PCDH11X: variants seen among roughly 807,000 people sequenced by gnomAD.
PCDH11X encodes the protein protocadherin 11 X-linked.
A neutral mutation model predicts 53.3 loss-of-function variants in PCDH11X; 18 were observed. The ratio of observed to expected loss-of-function variants is 0.34; its 90% CI spans 0.23 to 0.50. The LOEUF (loss-of-function observed/expected upper bound fraction) is 0.50. PCDH11X is among the 20% of genes least tolerant of loss of function. The pLI, the probability that PCDH11X is intolerant of heterozygous loss-of-function variation, is 0.98. For missense variants in PCDH11X, 570 were observed against 1,032.4 expected, an observed-to-expected ratio of 0.55 and a Z score of 6.14; for synonymous variants, 279 against 393.3, an observed-to-expected ratio of 0.71 and a Z score of 3.44.
At chrX:92,120,155 C>CTTTT (rs764997941) in intron 6 of PCDH11X, among the ~76,000 whole-genome samples, 314 of 60,560 alleles carry the variant, frequency 5.2e-3, no homozygotes, top group Non-Finnish European at 6.6e-3. Flanking sequence ...ACTTTTCTTT[C>CTTTT]TTTTTTTTTT....
chrX:92,517,013 G>A (rs2074282823), intron 10 of PCDH11X, among the ~76,000 whole-genome samples: 1 of 112,273 alleles, frequency 8.9e-6, no homozygotes, highest in African/African-American at 3.2e-5. Flanking sequence ...GAAAGATTGT[G>A]AGAACGTAAG....
chrX:91,887,673 G>A (rs1349227368), intron 6 of PCDH11X, among the ~76,000 whole-genome samples: 1 of 111,525 alleles, frequency 9.0e-6, no homozygotes, highest in Non-Finnish European at 1.9e-5. Flanking sequence ...CTGTTTGAAG[G>A]CTATATAACT....
chrX:91,963,308 T>G (rs1424522345), intron 6 of PCDH11X, among the ~76,000 whole-genome samples: 2 of 110,976 alleles, frequency 1.8e-5, no homozygotes, highest in African/African-American at 6.7e-5. Flanking sequence ...CTTGAATGAT[T>G]TACTACTTAC....
At chrX:92,121,981 GTT>G (rs746833949) in intron 6 of PCDH11X, among the ~76,000 whole-genome samples, 9 of 69,443 alleles carry the variant, frequency 1.3e-4, no homozygotes, top group African/African-American at 3.3e-4. Flanking sequence ...AGTCATTTCT[GTT>G]TTTTTTTTTT....
chrX:92,466,164 C>T (rs1465327835), intron 9 of PCDH11X, among the ~76,000 whole-genome samples: 2 of 110,696 alleles, frequency 1.8e-5, no homozygotes, highest in African/African-American at 6.5e-5. Context: ...TTATATACCT[C>T]GTCATTCATA....
intron 6 of PCDH11X, among the ~76,000 whole-genome samples, chrX:92,181,498 C>T (rs5984897): frequency 0.48 from 53,510 of 110,344 alleles, 9,990 homozygotes; most frequent in Non-Finnish European, 0.6. Flanking sequence ...AATGTTAATC[C>T]CCAAGACAGT....
intron 8 of PCDH11X, among the ~76,000 whole-genome samples, chrX:92,381,323 A>G (rs1026777307): frequency 9.0e-6 from 1 of 111,172 alleles, no homozygotes; most frequent in African/African-American, 3.3e-5. Context: ...CAAAGCAGCA[A>G]TTGTTTTCCA....
At chrX:92,162,102 G>T (rs1262086561) in intron 6 of PCDH11X, among the ~76,000 whole-genome samples, 1 of 88,618 alleles carries the variant, frequency 1.1e-5, no homozygotes, top group East Asian at 3.5e-4. Context: ...ACCTTGTTTT[G>T]TCATATTATG....
chrX:92,378,036 C>T (rs1268944583), intron 8 of PCDH11X, among the ~76,000 whole-genome samples: 1 of 108,361 alleles, frequency 9.2e-6, no homozygotes, highest in African/African-American at 3.4e-5. Flanking sequence ...AAATTGTAAT[C>T]ATGATTTCTC....
chrX:92,373,030 T>G (rs957331344), intron 8 of PCDH11X, among the ~76,000 whole-genome samples: 1 of 110,916 alleles, frequency 9.0e-6, no homozygotes, highest in African/African-American at 3.3e-5. Flanking sequence ...GATAAAAATA[T>G]GTTTTAGAGA....
chrX:92,109,290 G>T (rs1168550557), intron 6 of PCDH11X, among the ~76,000 whole-genome samples: 5 of 110,584 alleles, frequency 4.5e-5, no homozygotes, highest in Non-Finnish European at 9.4e-5. Context: ...AGAATTACTG[G>T]TTGAGTCCAG....
chrX:92,175,444 T>A (rs1603110815), intron 6 of PCDH11X, among the ~76,000 whole-genome samples: 1 of 110,637 alleles, frequency 9.0e-6, no homozygotes, highest in Middle Eastern at 4.7e-3. Context: ...CAAAACATAA[T>A]TTGAGATGAG....
At chrX:92,273,319 A>T (rs1328463851) in intron 8 of PCDH11X, among the ~76,000 whole-genome samples, 2 of 111,360 alleles carry the variant, frequency 1.8e-5, no homozygotes, top group African/African-American at 3.3e-5. Context: ...CTTCTGAGCC[A>T]GAAGAAGGAA....
Position 92,214,775 on chromosome X carries a change from G to A in PCDH11X, c.3114+13320G>A, listed in dbSNP as rs771772761. On this transcript the variant is annotated intron_variant, in intron 7 of 10. Coordinates refer to ENST00000682573, the MANE Select transcript of PCDH11X (RefSeq NM_032968.5). ...TTAAAGTACTGCCAGGAGGCCAGGC[G>A]TGGTGAATCACACCTGTAATCTCAG... 3.2e-4 allele frequency among the ~76,000 whole-genome samples: 36 copies of A among 111,765 alleles called. No individual in the cohort carries two copies. The South Asian group carries it at 5.6e-3, about 18-fold the overall frequency.
At chrX:91,853,525 T>C (rs1938153341) in intron 5 of PCDH11X, among the ~76,000 whole-genome samples, 1 of 110,094 alleles carries the variant, frequency 9.1e-6, no homozygotes, top group Admixed American at 9.7e-5. Context: ...TTTATTATTT[T>C]CAATAGTAAA....
chrX:92,557,787 C>A (rs1399403206), intron 10 of PCDH11X, among the ~76,000 whole-genome samples: 1 of 109,293 alleles, frequency 9.1e-6, no homozygotes, highest in Non-Finnish European at 1.9e-5. Context: ...TACCTTGGTA[C>A]AAATTTACTG....
At chrX:92,421,348 G>A (rs1009634708) in intron 9 of PCDH11X, among the ~76,000 whole-genome samples, 1 of 111,636 alleles carries the variant, frequency 9.0e-6, no homozygotes, top group African/African-American at 3.3e-5. Flanking sequence ...CACTTATAGT[G>A]AGAACATGTG....
At chrX:92,074,856 C>T (rs1360815254) in intron 6 of PCDH11X, among the ~76,000 whole-genome samples, 3 of 111,105 alleles carry the variant, frequency 2.7e-5, no homozygotes, top group African/African-American at 9.8e-5. Context: ...AATTACTTTT[C>T]TTTTTTTTGT....
intron 8 of PCDH11X, among the ~76,000 whole-genome samples, chrX:92,357,052 C>T (rs143123233): frequency 6.1e-3 from 673 of 110,676 alleles, no homozygotes; most frequent in African/African-American, 0.021. Flanking sequence ...CAAAAATTCA[C>T]GTCTATTCTC....
Sources: allele counts gnomAD v4.1 joint callset (sites outside exome capture counted in the v4.1 genomes callset), GRCh38; gene constraint gnomAD v4.1.1; transcripts MANE v1.5; gene names NCBI Gene and HGNC (gene_info 2026-07-23, HGNC 2026-07-21).